Variants in SGPL1 observed in about 807,000 individuals in gnomAD.
The protein encoded by SGPL1 is SP-lyase 1.
A neutral mutation model predicts 68.9 loss-of-function variants in SGPL1; 37 were observed. That is an observed-to-expected ratio of 0.54 (90% CI 0.41 to 0.71). The LOEUF (loss-of-function observed/expected upper bound fraction) is 0.71. Ranked by LOEUF, SGPL1 falls within the 30% of genes least tolerant of loss-of-function variation. SGPL1 has a pLI of 0.00. For missense variants in SGPL1, 551 were observed against 704.6 expected, an observed-to-expected ratio of 0.78 and a Z score of 2.47; for synonymous variants, 236 against 248.5, an observed-to-expected ratio of 0.95 and a Z score of 0.47.
intron 1 of SGPL1, among the ~76,000 whole-genome samples, chr10:70,816,553 C>T (rs1845234502): frequency 1.3e-5 from 2 of 152,232 alleles, no homozygotes; most frequent in South Asian, 4.1e-4. Context: ...GGCGTTTCCC[C>T]TAGTTTCCAC....
chr10:70,848,454 C>CTTTTTTTTTTTTTTTT (rs55860254), intron 3 of SGPL1, among the ~76,000 whole-genome samples: 1 of 70,678 alleles, frequency 1.4e-5, no homozygotes, highest in Non-Finnish European at 2.5e-5. Context: ...ACCTCACGTA[C>CTTTTTTTTTTTTTTTT]TTTTTTTTTT....
At chr10:70,849,404 A>T (rs910802712) in intron 3 of SGPL1, among the ~76,000 whole-genome samples, 1 of 152,382 alleles carries the variant, frequency 6.6e-6, no homozygotes, top group Middle Eastern at 3.4e-3. Context: ...ATTTTACATT[A>T]TACAGAATCT....
At chr10:70,822,284 A>G (rs1020608488) in intron 2 of SGPL1, among the ~76,000 whole-genome samples, 1 of 152,220 alleles carries the variant, frequency 6.6e-6, no homozygotes, top group African/African-American at 2.4e-5. Context: ...GCAATCTCCC[A>G]GTGTTATAGA....
chr10:70,835,253 T>G (rs1020349850), intron 2 of SGPL1, among the ~76,000 whole-genome samples: 1 of 152,212 alleles, frequency 6.6e-6, no homozygotes, highest in African/African-American at 2.4e-5. Flanking sequence ...CTAATTTGTA[T>G]TCTTATCAGC....
At chr10:70,844,196 TGAAGTGAC>T (rs1845757009) in intron 2 of SGPL1, among the ~76,000 whole-genome samples, 1 of 152,180 alleles carries the variant, frequency 6.6e-6, no homozygotes, top group Admixed American at 6.5e-5. Flanking sequence ...ATTTTAGGGC[TGAAGTGAC>T]GATCTAGCTT....
chr10:70,874,579 C>T (rs554623499), intron 12 of SGPL1, among the ~76,000 whole-genome samples: 16 of 152,090 alleles, frequency 1.1e-4, no homozygotes, highest in Admixed American at 3.9e-4. Flanking sequence ...CAAAATTAGC[C>T]GGGCGTGGTG....
chr10:70,816,921 G>T, intron 2 of SGPL1, 41 bp downstream of exon 2: 1 of 1,607,268 alleles, frequency 6.2e-7, no homozygotes, highest in Non-Finnish European at 8.5e-7. Flanking sequence ...CAAGGCATTT[G>T]TCTCCGTTTT....
At chr10:70,830,058 C>A (rs943897181) in intron 2 of SGPL1, among the ~76,000 whole-genome samples, 1 of 152,174 alleles carries the variant, frequency 6.6e-6, no homozygotes, top group Non-Finnish European at 1.5e-5. Flanking sequence ...GCAATTTCTG[C>A]TGTCCTTGGC....
chr10:70,871,608 AT>A (rs142224995), intron 10 of SGPL1, among the ~76,000 whole-genome samples: 2,774 of 152,272 alleles, frequency 0.018, 64 homozygotes, highest in African/African-American at 0.057. Flanking sequence ...GGTCATGCAT[AT>A]TTAAATATAA....
At chr10:70,856,146 C>T (rs1845959880) in intron 5 of SGPL1, among the ~76,000 whole-genome samples, 1 of 152,144 alleles carries the variant, frequency 6.6e-6, no homozygotes, top group Non-Finnish European at 1.5e-5. Flanking sequence ...AGGCGTGCGG[C>T]ACCATACCCA....
At position 70,856,345 on chromosome 10, in the gene SGPL1, A is replaced by AT. The variant is rs531553376; in HGVS notation, c.410-1267dup. On this transcript the variant is annotated intron_variant, in intron 5 of 14. Coordinates refer to ENST00000373202, the MANE Select transcript of SGPL1 (RefSeq NM_003901.4). ...AAGTGACATGTGTTGAGGTCTTGAC[A>AT]TTGAATAGTACAAAATTTGATATAG... Among the ~76,000 whole-genome samples, 26 of 152,328 alleles carry AT rather than the reference A, an allele frequency of 1.7e-4. No individual in the cohort carries two copies. In the East Asian group the frequency reaches 4.4e-3, roughly 26 times the overall value.
intron 6 of SGPL1, 59 bp downstream of exon 6, chr10:70,857,749 T>C: frequency 2.9e-6 from 3 of 1,041,940 alleles, no homozygotes; most frequent in Non-Finnish European, 4.2e-6. Flanking sequence ...CATGACCTCC[T>C]TTTTTTCCCT....
At chr10:70,841,103 A>G (rs913507046) in intron 2 of SGPL1, among the ~76,000 whole-genome samples, 1 of 152,150 alleles carries the variant, frequency 6.6e-6, no homozygotes, top group African/African-American at 2.4e-5. Flanking sequence ...AAATCATGAC[A>G]TACTTTTGAT....
At chr10:70,858,087 A>G (rs1845994291) in intron 6 of SGPL1, among the ~76,000 whole-genome samples, 2 of 152,176 alleles carry the variant, frequency 1.3e-5, no homozygotes, top group African/African-American at 2.4e-5. Flanking sequence ...TATACTTCAA[A>G]TAATTCTCAT....
intron 2 of SGPL1, among the ~76,000 whole-genome samples, chr10:70,835,508 C>T (rs1343476465): frequency 2.0e-5 from 3 of 150,892 alleles, no homozygotes; most frequent in East Asian, 1.9e-4. Context: ...GAGGCCGAGG[C>T]GGGTGGATCA....
chr10:70,876,688 T>A, intron 14 of SGPL1, 27 bp downstream of exon 14: 1 of 1,600,704 alleles, frequency 6.2e-7, no homozygotes, highest in Non-Finnish European at 8.5e-7. Flanking sequence ...TTTTTTTTCT[T>A]CTCTTGGAAA....
chr10:70,855,422 A>G (rs1194506830), intron 5 of SGPL1, among the ~76,000 whole-genome samples: 1 of 152,238 alleles, frequency 6.6e-6, no homozygotes, highest in African/African-American at 2.4e-5. Flanking sequence ...GGTGCTTAAG[A>G]GCGTAACCCT....
At chr10:70,842,832 T>C (rs923510585) in intron 2 of SGPL1, among the ~76,000 whole-genome samples, 1 of 152,224 alleles carries the variant, frequency 6.6e-6, no homozygotes, top group African/African-American at 2.4e-5. Context: ...CTGATTTAAG[T>C]GTTCACTCAT....
intron 2 of SGPL1, among the ~76,000 whole-genome samples, chr10:70,818,855 G>A (rs1193465264): frequency 6.6e-6 from 1 of 152,070 alleles, no homozygotes; most frequent in Non-Finnish European, 1.5e-5. Flanking sequence ...TAGAAATACT[G>A]GAAACTATAA....
Sources: gnomAD v4.1 joint callset for allele counts (sites outside exome capture counted in the v4.1 genomes callset) on GRCh38, gnomAD v4.1.1 for gene constraint, MANE v1.5 for transcripts, NCBI Gene and HGNC (gene_info 2026-07-23, HGNC 2026-07-21) for gene names.